SCAND3: variants seen among roughly 807,000 people sequenced by gnomAD.
The protein encoded by SCAND3 is SCAN domain containing 3, also known as SCAN domain-containing protein 3.
the SCAND3 span, among the ~76,000 whole-genome samples, chr6:28,610,840 G>A: frequency 6.6e-6 from 1 of 151,770 alleles, no homozygotes; most frequent in East Asian, 1.9e-4. Flanking sequence ...TGCTTTTTTT[G>A]GGACAAAAAT....
the SCAND3 span, among the ~76,000 whole-genome samples, chr6:28,609,975 C>A: frequency 3.9e-5 from 6 of 152,098 alleles, no homozygotes; most frequent in Non-Finnish European, 8.8e-5. Context: ...CCTGGAATCC[C>A]AGTGCTTTGG....
chr6:28,603,445 A>G, the SCAND3 span, among the ~76,000 whole-genome samples: 9 of 152,248 alleles, frequency 5.9e-5, no homozygotes, highest in South Asian at 2.1e-4. Context: ...AAATCTATAC[A>G]TTCTCTCTGG....
chr6:28,615,922 T>C, the SCAND3 span: 1 of 152,210 alleles, frequency 6.6e-6, no homozygotes, highest in South Asian at 2.1e-4. Context: ...TGTGATATTC[T>C]TAGTCTATCA....
chr6:28,613,075 G>A, the SCAND3 span, among the ~76,000 whole-genome samples: 4 of 152,038 alleles, frequency 2.6e-5, no homozygotes, highest in East Asian at 1.9e-4. Flanking sequence ...AATATATAGA[G>A]ACTGTATATT....
the SCAND3 span, among the ~76,000 whole-genome samples, chr6:28,615,389 G>A: frequency 1.3e-5 from 2 of 152,084 alleles, no homozygotes; most frequent in African/African-American, 2.4e-5. Flanking sequence ...CGAGGTGGGC[G>A]GATCATTTGA....
the SCAND3 span, chr6:28,572,918 C>A: frequency 1.9e-6 from 3 of 1,613,986 alleles, no homozygotes; most frequent in Non-Finnish European, 2.5e-6. The surrounding 1 kb of genome is among the most constrained non-coding windows in gnomAD (Gnocchi z 4.1). Flanking sequence ...CATTCTGGCG[C>A]AAGTTCCTTA....
the SCAND3 span, chr6:28,586,639 C>A: frequency 2.5e-6 from 4 of 1,614,148 alleles, no homozygotes; most frequent in Non-Finnish European, 3.4e-6. The surrounding 1 kb of genome is among the most constrained non-coding windows in gnomAD (Gnocchi z 4.4). Flanking sequence ...TCTTCTTTAA[C>A]CTTTACTTTG....
chr6:28,598,889 A>AG, the SCAND3 span, among the ~76,000 whole-genome samples: 2 of 148,962 alleles, frequency 1.3e-5, no homozygotes, highest in Non-Finnish European at 3.0e-5. Context: ...AAAAAAAAAA[A>AG]AAAAAGAAAA....
At chr6:28,606,177 C>A in the SCAND3 span, among the ~76,000 whole-genome samples, 2 of 152,180 alleles carry the variant, frequency 1.3e-5, no homozygotes, top group Non-Finnish European at 1.5e-5. Flanking sequence ...AGAGAAGAAG[C>A]AACTCATAAG....
the SCAND3 span, chr6:28,574,612 T>A: frequency 1.9e-6 from 3 of 1,570,246 alleles, no homozygotes; most frequent in Non-Finnish European, 2.6e-6. Context: ...ATTCTTCCCC[T>A]GCTTTCATCT....
chr6:28,578,628 TAGA>T, the SCAND3 span, among the ~76,000 whole-genome samples: 1 of 152,226 alleles, frequency 6.6e-6, no homozygotes, highest in Non-Finnish European at 1.5e-5. Context: ...AAGAATGAAT[TAGA>T]AGAAGAAATA....
At chr6:28,591,105 C>T in the SCAND3 span, 1 of 152,206 alleles carries the variant, frequency 6.6e-6, no homozygotes, top group Non-Finnish European at 1.5e-5. Context: ...ATTATGATCA[C>T]ATCCATCGTC....
At chr6:28,586,506 C>T in the SCAND3 span, 3 of 1,614,268 alleles carry the variant, frequency 1.9e-6, no homozygotes, top group Non-Finnish European at 2.5e-6. The surrounding 1 kb of genome is among the most constrained non-coding windows in gnomAD (Gnocchi z 4.4). Flanking sequence ...CCGCAGTTGA[C>T]TCAGAGCCTC....
At chr6:28,582,617 T>C in the SCAND3 span, among the ~76,000 whole-genome samples, 1 of 152,140 alleles carries the variant, frequency 6.6e-6, no homozygotes, top group South Asian at 2.1e-4. The surrounding 1 kb of genome is among the most constrained non-coding windows in gnomAD (Gnocchi z 4.8). Flanking sequence ...CACTAGAGCA[T>C]TATTAAAACT....
chr6:28,606,061 G>T, the SCAND3 span, among the ~76,000 whole-genome samples: 1 of 152,094 alleles, frequency 6.6e-6, no homozygotes, highest in East Asian at 1.9e-4. Flanking sequence ...ATTAAATACA[G>T]CTATTGTATC....
chr6:28,583,998 T>C, the SCAND3 span, among the ~76,000 whole-genome samples: 1 of 152,196 alleles, frequency 6.6e-6, no homozygotes, highest in African/African-American at 2.4e-5. Context: ...GGCTTTGGAA[T>C]CATAAATTAA....
chr6:28,570,960 A>G, the SCAND3 span: 1 of 152,184 alleles, frequency 6.6e-6, no homozygotes, highest in Non-Finnish European at 1.5e-5. Flanking sequence ...GTTCTAGCAA[A>G]ATCTAGAAAC....
At chr6:28,610,919 G>A in the SCAND3 span, among the ~76,000 whole-genome samples, 2 of 152,070 alleles carry the variant, frequency 1.3e-5, no homozygotes, top group Non-Finnish European at 2.9e-5. Flanking sequence ...TTAAAATACT[G>A]CATTCCCTTA....
At chr6:28,610,976 T>C in the SCAND3 span, among the ~76,000 whole-genome samples, 19 of 152,234 alleles carry the variant, frequency 1.2e-4, no homozygotes, top group Admixed American at 2.6e-4. Context: ...ACACTAAGTA[T>C]AATATTTCTA....
Sources: gnomAD v4.1 joint callset for allele counts (sites outside exome capture counted in the v4.1 genomes callset) on GRCh38, gnomAD v4.1.1 for gene constraint, Gnocchi (gnomAD v3.1) non-coding constraint, MANE v1.5 for transcripts, NCBI Gene and HGNC (gene_info 2026-07-23, HGNC 2026-07-21) for gene names.